GSTK1: variants seen among roughly 807,000 people sequenced by gnomAD.
GSTK1 encodes the protein GST class-kappa.
In GSTK1, 25 loss-of-function variants were observed where a neutral mutation model predicts 30.9. The observed-to-expected ratio is 0.81, with a 90% CI of 0.59 to 1.13. The LOEUF is 1.13. Among genes scored for constraint, GSTK1 ranks in the 50% most tolerant of loss-of-function variants. The pLI is 0.00. For synonymous variants in GSTK1, 108 were observed against 112.5 expected (o/e 0.96, Z 0.25); for missense variants, 292 against 292.4 (o/e 1.00, Z 0.01).
chr7:143,263,653 G>A, intron 1 of GSTK1, 68 bp downstream of exon 1: 1 of 1,449,816 alleles, frequency 6.9e-7, no homozygotes, highest in Non-Finnish European at 9.6e-7. Context: ...TGAGCGCAGG[G>A]CTCCGGGACA....
rs368507449 is a variant in GSTK1, at chr7:143,263,582, C to T, written c.69C>T (p.Phe23=). ...DVLSPYSWLG[F]EILCRYQNIW... ...TGTCCCCCTACTCCTGGCTGGGCTT[C>T]GAGGTGACGCTGGGAGGGGTCGCCT... The change falls in exon 1 of 8, where the codon TTC becomes TTT. Residue 23 remains phenylalanine (F), a synonymous_variant. Coordinates refer to ENST00000358406, the MANE Select transcript of GSTK1 (RefSeq NM_015917.3). The T allele has an allele frequency of 4.3e-5, 69 of 1,608,626 alleles. No homozygotes were observed. Among genetic ancestry groups the T allele is most frequent in the East Asian group, 2.5e-4 (11 of 44,874 alleles).
At position 143,263,479 on chromosome 7, in the gene GSTK1, G is replaced by T. The variant is rs755460051; in HGVS notation, c.-35G>T. On this transcript the variant is annotated 5_prime_UTR_variant, in exon 1 of 8. Transcript: ENST00000358406. ...CCTCTGCCGGGTTCCGGGAAAAGGA[G>T]CTCCTGCTGCCACTGCTCTTCCGGA... 1.3e-6 allele frequency: 2 copies of T among 1,595,854 alleles called. No individual in the cohort carries two copies. The highest frequency in any genetic ancestry group is 1.1e-5 in the South Asian group (1 of 90,856).
At chr7:143,265,503 GT>G (rs1800849183) in intron 5 of GSTK1, among the ~76,000 whole-genome samples, 1 of 152,176 alleles carries the variant, frequency 6.6e-6, no homozygotes, top group Non-Finnish European at 1.5e-5. Flanking sequence ...GAAAGGGGAA[GT>G]GCAAAAGGGA....
At position 143,268,826 on chromosome 7, in the gene GSTK1, G is replaced by A; in HGVS notation, c.670G>A (p.Ala224Thr). The change falls in exon 8 of 8, where the codon GCC (alanine) becomes ACC (threonine). Residue 224 changes from alanine (A) to threonine (T), a missense_variant. Ala to Thr is a moderately conservative substitution (Grantham distance 58). Coordinates refer to ENST00000358406, the MANE Select transcript of GSTK1 (RefSeq NM_015917.3). This position sits in a 1 kb window ranked among gnomAD's most constrained non-coding sequence, Gnocchi z 4.1. ...GGGCCCTATACCTCCAGCCGTGAAT[G>A]CCAGACTTTAAGATTGCCCGGAGGA... is the stretch of plus-strand genomic sequence containing the variant. ...WMGPIPPAVN[A>T]RL The A allele has an allele frequency of 6.2e-7, 1 of 1,614,030 alleles. No homozygotes were observed. Among genetic ancestry groups the A allele is most frequent in the Non-Finnish European group, 8.5e-7 (1 of 1,179,950 alleles).
At chr7:143,264,499 G>A (rs1176776993) in intron 2 of GSTK1, 49 bp from the exon 3 acceptor site, 2 of 1,605,366 alleles carry the variant, frequency 1.2e-6, no homozygotes, top group African/African-American at 2.7e-5. Context: ...CCCAAACCTG[G>A]GACCCTTAGG....
At chr7:143,264,719 C>A in intron 3 of GSTK1, 43 bp downstream of exon 3, 1 of 1,610,988 alleles carries the variant, frequency 6.2e-7, no homozygotes, top group South Asian at 1.1e-5. Flanking sequence ...GTGAAAAACA[C>A]AGAAGTCGGA....
At chr7:143,263,988 A>G (rs908277071) in intron 1 of GSTK1, 98 bp from the exon 2 acceptor site, 7 of 1,017,592 alleles carry the variant, frequency 6.9e-6, no homozygotes, top group Non-Finnish European at 1.1e-5. Flanking sequence ...GTGTCCGCAT[A>G]ACCCCTGCTC....
chr7:143,266,555 A>G (rs889218823), intron 5 of GSTK1, among the ~76,000 whole-genome samples: 1 of 152,008 alleles, frequency 6.6e-6, no homozygotes, highest in East Asian at 1.9e-4. Context: ...GTGGTTGTCA[A>G]TCTTGGCTGT....
Position 143,263,721 on chromosome 7 carries a change from C to T in GSTK1, c.72+136C>T, listed in dbSNP as rs1054213096. ...GGGTTAAGGCAAGCAGGGAGAGCTC[C>T]GGGGCTGAAGGTCACTTTGTGCTTT... On this transcript the variant is annotated intron_variant, in intron 1 of 7. Transcript: ENST00000358406. The T allele has an allele frequency of 7.9e-6, 6 of 761,792 alleles. No homozygotes were observed. The East Asian group carries it at 1.5e-4, about 19-fold the overall frequency. The allele number at this position is 761,792 out of a possible 1,614,324, so 47.2% of individuals were successfully genotyped here. A position where few individuals can be genotyped will look rare whatever the true frequency, so the allele number is the denominator to read the frequency against.
chr7:143,265,062 C>T lies in GSTK1; in HGVS notation c.354C>T (p.Ser118=). 1 of 1,614,100 alleles carries T rather than the reference C, an allele frequency of 6.2e-7. No individual in the cohort carries two copies. The highest frequency in any genetic ancestry group is 8.5e-7 in the Non-Finnish European group (1 of 1,180,024). ...LEHPEMLEKA[S]RELWMRVWSR... ...ATCCAGAGATGCTGGAGAAAGCGTC[C>T]CGGGAGCTGTGGATGCGCGTCTGGT... The change falls in exon 4 of 8, where the codon TCC becomes TCT. Residue 118 remains serine, a synonymous_variant. Coordinates refer to ENST00000358406, the MANE Select transcript of GSTK1 (RefSeq NM_015917.3).
rs1586423193 is a variant in GSTK1 at position 143,263,933 on chromosome 7, T to C, written c.73-153T>C. 8 of 660,430 alleles carry C rather than the reference T, an allele frequency of 1.2e-5. No homozygotes were observed. The East Asian group carries it at 2.2e-4, about 18-fold the overall frequency. 40.9% of individuals were successfully genotyped at this position (660,430 alleles called of 1,614,324 possible). A position where few individuals can be genotyped will look rare whatever the true frequency, so the allele number is the denominator to read the frequency against. On this transcript the variant is annotated intron_variant, in intron 1 of 7. Coordinates refer to ENST00000358406, the MANE Select transcript of GSTK1 (RefSeq NM_015917.3). ...GAGCGAAGATCCTGGAATAGATTTCTAGTAGTGAGGAGAGTTTTGCCAATT... is the reference window on the plus strand; with the variant it reads ...GAGCGAAGATCCTGGAATAGATTTCCAGTAGTGAGGAGAGTTTTGCCAATT...
chr7:143,263,530 G>A lies in GSTK1; in HGVS notation c.17G>A (p.Arg6His). MGPLP[R>H]TVELFYDVLS... ...GCCTGCAGCATGGGGCCCCTGCCGCGCACCGTGGAGCTCTTCTATGACGTG... is the reference window on the plus strand; with the variant it reads ...GCCTGCAGCATGGGGCCCCTGCCGCACACCGTGGAGCTCTTCTATGACGTG... The change falls in exon 1 of 8, where the codon CGC becomes CAC. Residue 6 changes from arginine (R) to histidine (H), a missense_variant. Arg to His is a conservative substitution (Grantham distance 29). Coordinates refer to ENST00000358406, the MANE Select transcript of GSTK1 (RefSeq NM_015917.3). The A allele has an allele frequency of 6.2e-7, 1 of 1,610,374 alleles. No homozygotes were observed.
intron 5 of GSTK1, among the ~76,000 whole-genome samples, chr7:143,266,298 T>A (rs1409875377): frequency 6.6e-6 from 1 of 152,130 alleles, no homozygotes; most frequent in Non-Finnish European, 1.5e-5. Flanking sequence ...CCCAAAGTGC[T>A]GTGTTTACAG....
At chr7:143,264,431 C>T (rs1025372428) in intron 2 of GSTK1, 117 bp from the exon 3 acceptor site, 5 of 1,092,826 alleles carry the variant, frequency 4.6e-6, no homozygotes, top group Admixed American at 4.4e-5. Flanking sequence ...GCAACAAGAG[C>T]GAAACAACAA....
chr7:143,264,938 T>C (rs1800828231), intron 3 of GSTK1, 54 bp from the exon 4 acceptor site: 1 of 1,572,750 alleles, frequency 6.4e-7, no homozygotes, highest in Admixed American at 1.7e-5. Context: ...GAGCTAGTCC[T>C]CCACCAGGAA....
chr7:143,264,126 A>G lies in GSTK1; in HGVS notation c.113A>G (p.Gln38Arg). The change falls in exon 2 of 8, where the codon CAG (glutamine) becomes CGG (arginine). Residue 38 changes from glutamine to arginine, a missense_variant. Gln to Arg is a conservative substitution (Grantham distance 43). Transcript: ENST00000358406. ...CAGAATATCTGGAACATCAACCTGC[A>G]GTTGCGGCCCAGCCTCATAACAGGG... ...RYQNIWNINL[Q>R]LRPSLITGIM... 6.2e-7 allele frequency: 1 copy of G among 1,614,018 alleles called. No homozygotes were observed. The highest frequency in any genetic ancestry group is 8.5e-7 in the Non-Finnish European group (1 of 1,179,970).
Position 143,264,617 on chromosome 7 carries a change from A to G in GSTK1, c.224A>G (p.His75Arg). The change falls in exon 3 of 8, where the codon CAC (histidine) becomes CGC (arginine). Residue 75 changes from histidine to arginine, a missense_variant. Transcript: ENST00000358406. ...GCAAATGACTTAAAGCTCCTGAGAC[A>G]CCATCTCCAGATTCCCATCCACTTC... is the stretch of plus-strand genomic sequence containing the variant. ...YMANDLKLLR[H>R]HLQIPIHFPK... 6.2e-7 allele frequency: 1 copy of G among 1,614,078 alleles called. No individual in the cohort carries two copies. Among genetic ancestry groups the G allele is most frequent in the Non-Finnish European group, 8.5e-7 (1 of 1,179,938 alleles).
intron 5 of GSTK1, among the ~76,000 whole-genome samples, chr7:143,266,023 CTTTTTTTTTTTTTTTT>C (rs11296238): frequency 1.4e-5 from 1 of 69,254 alleles, no homozygotes; most frequent in Non-Finnish European, 2.6e-5. Flanking sequence ...ATTTTCCATG[CTTTTTTTTTTTTTTTT>C]TTTTTTTTTG....
chr7:143,265,216 C>T lies in GSTK1; in HGVS notation c.385-45C>T, dbSNP rs746976978. The T allele has an allele frequency of 1.5e-5, 24 of 1,605,406 alleles. No individual in the cohort carries two copies. The African/African-American group carries it at 2.7e-4, about 18-fold the overall frequency. On this transcript the variant is annotated intron_variant, in intron 4 of 7. Coordinates refer to ENST00000358406, the MANE Select transcript of GSTK1 (RefSeq NM_015917.3). ...GGGATCTACTGTCCTCCCAGTCACA[C>T]CCCTCTCCCCGCACCGCCTTCCTGC...
Sources: gnomAD v4.1 joint callset for allele counts (sites outside exome capture counted in the v4.1 genomes callset) on GRCh38, gnomAD v4.1.1 for gene constraint, Gnocchi (gnomAD v3.1) non-coding constraint, MANE v1.5 for transcripts, NCBI Gene and HGNC (gene_info 2026-07-23, HGNC 2026-07-21) for gene names.